The following KANK4 variants were observed in gnomAD, a reference collection of about 807,000 sequenced individuals.
The protein encoded by KANK4 is KN motif and ankyrin repeat domains 4, also known as KN motif and ankyrin repeat domain-containing protein 4.
In KANK4, 50 loss-of-function variants were observed where a neutral mutation model predicts 80.8. The observed-to-expected ratio is 0.62, with a 90% CI of 0.49 to 0.78. The LOEUF (loss-of-function observed/expected upper bound fraction) is 0.78, where lower values mean the gene tolerates loss of function less well. Ranked by LOEUF, KANK4 falls within the 30% of genes least tolerant of loss-of-function variation. KANK4 has a pLI of 0.00. For synonymous variants in KANK4, 465 were observed against 506.9 expected (o/e 0.92, Z 1.11); for missense variants, 1,196 against 1,240.1 (o/e 0.96, Z 0.53).
intron 5 of KANK4, among the ~76,000 whole-genome samples, chr1:62,267,548 T>A (rs533062828): frequency 3.3e-5 from 5 of 152,246 alleles, no homozygotes; most frequent in Non-Finnish European, 7.4e-5. Context: ...ATGCCTATAA[T>A]CCCAGCACTT....
chr1:62,306,938 A>G (rs1017884755), intron 1 of KANK4, among the ~76,000 whole-genome samples: 2 of 152,188 alleles, frequency 1.3e-5, no homozygotes, highest in Non-Finnish European at 2.9e-5. Context: ...CTTCTTTTTA[A>G]GCTTAAAAGG....
intron 1 of KANK4, among the ~76,000 whole-genome samples, chr1:62,316,119 T>C (rs1259204757): frequency 6.6e-6 from 1 of 152,258 alleles, no homozygotes; most frequent in East Asian, 1.9e-4. Context: ...GGTCAATAGC[T>C]GGGCCTCTGA....
chr1:62,303,151 G>A (rs1002289167), intron 1 of KANK4, among the ~76,000 whole-genome samples: 1 of 148,180 alleles, frequency 6.7e-6, no homozygotes, highest in African/African-American at 2.5e-5. Context: ...TAGTCAGTGA[G>A]GATACTGGGA....
chr1:62,256,038 A>G (rs1671744615), intron 7 of KANK4, among the ~76,000 whole-genome samples: 1 of 152,208 alleles, frequency 6.6e-6, no homozygotes, highest in Non-Finnish European at 1.5e-5. Flanking sequence ...ATGTGGCCCA[A>G]CACAAATTCA....
intron 1 of KANK4, among the ~76,000 whole-genome samples, chr1:62,282,304 G>A (rs1672468382): frequency 6.6e-6 from 1 of 152,148 alleles, no homozygotes; most frequent in African/African-American, 2.4e-5. Context: ...TCTCCCCAAA[G>A]TTTTAATCCA....
intron 1 of KANK4, among the ~76,000 whole-genome samples, chr1:62,294,211 C>T (rs1436908071): frequency 6.6e-6 from 1 of 152,186 alleles, no homozygotes; most frequent in African/African-American, 2.4e-5. Context: ...AAAGTAGGAG[C>T]GAGTGGACTC....
At position 62,247,448 on chromosome 1, in the gene KANK4, TTGTTAATTGCC is replaced by T. The variant is rs780654073; in HGVS notation, c.2883+13_2883+23del. The T allele has an allele frequency of 1.2e-6, 2 of 1,611,342 alleles. No homozygotes were observed. ...AGCCACCCTGCCCAGCAACAGCTAC[TTGTTAATTGCC>T]TGTAAGTCTCACCTTGTCAGTCAGG... On this transcript the variant is annotated intron_variant, in intron 9 of 9. Coordinates refer to ENST00000371153, the MANE Select transcript of KANK4 (RefSeq NM_181712.5).
At position 62,263,183 on chromosome 1, in the gene KANK4, A is replaced by AAGC; in HGVS notation, c.2445_2447dup (p.Leu816dup). 2 of 1,614,010 alleles carry AAGC rather than the reference A, an allele frequency of 1.2e-6. No individual in the cohort carries two copies. The highest frequency in any genetic ancestry group is 2.2e-5 in the South Asian group (2 of 91,060). ...TCCCGTTGTGATCGGCCAAGTTGAC[A>AAGC]AGCAGTTTCAGGAAGTGTGGGGAGT... is the stretch of plus-strand genomic sequence containing the variant. On this transcript the variant is annotated inframe_insertion, in exon 7 of 10. Coordinates refer to ENST00000371153, the MANE Select transcript of KANK4 (RefSeq NM_181712.5).
chr1:62,244,748 G>A (rs1040574613), intron 9 of KANK4, among the ~76,000 whole-genome samples: 1 of 152,110 alleles, frequency 6.6e-6, no homozygotes, highest in East Asian at 1.9e-4. Flanking sequence ...AATACAGGGG[G>A]TCTCACTTTG....
At chr1:62,276,416 G>T (rs1672315542) in intron 2 of KANK4, among the ~76,000 whole-genome samples, 1 of 152,140 alleles carries the variant, frequency 6.6e-6, no homozygotes, top group East Asian at 1.9e-4. Context: ...TGACCTTGGG[G>T]AAGTTACTTA....
chr1:62,298,887 A>G (rs916790063), intron 1 of KANK4, among the ~76,000 whole-genome samples: 1 of 152,078 alleles, frequency 6.6e-6, no homozygotes, highest in Admixed American at 6.5e-5. Flanking sequence ...CAAGTACTAC[A>G]CTATTATTAT....
At chr1:62,262,968 A>G (rs916852845) in intron 7 of KANK4, 124 bp downstream of exon 7, 2 of 726,554 alleles carry the variant, frequency 2.8e-6, no homozygotes, top group Non-Finnish European at 4.8e-6. Flanking sequence ...CCACTGTGCA[A>G]TTCATCCATG....
chr1:62,272,542 C>T (rs1307883918), intron 3 of KANK4: 1 of 152,246 alleles, frequency 6.6e-6, no homozygotes, highest in Non-Finnish European at 1.5e-5. Context: ...CAAATGAGAA[C>T]AGCCCCCTCT....
chr1:62,276,921 A>T (rs1393529738), intron 2 of KANK4, among the ~76,000 whole-genome samples: 1 of 152,160 alleles, frequency 6.6e-6, no homozygotes, highest in Non-Finnish European at 1.5e-5. Context: ...GACTTATATG[A>T]CTCACTGCTG....
intron 1 of KANK4, among the ~76,000 whole-genome samples, chr1:62,305,660 C>T (rs1644445758): frequency 6.6e-6 from 1 of 151,868 alleles, no homozygotes; most frequent in African/African-American, 2.4e-5. Flanking sequence ...ATTTTAAGCT[C>T]CACTGTGAAA....
At chr1:62,273,059 G>T in intron 3 of KANK4, 145 bp downstream of exon 3, 1 of 513,672 alleles carries the variant, frequency 1.9e-6, no homozygotes, top group Non-Finnish European at 3.3e-6. Context: ...CCAAAGTGCT[G>T]GGATTACAGG....
chr1:62,269,768 T>TA (rs1347828580), intron 4 of KANK4, among the ~76,000 whole-genome samples: 6 of 151,848 alleles, frequency 4.0e-5, no homozygotes, highest in Non-Finnish European at 8.8e-5. Context: ...TAGGTAGTGA[T>TA]AAAAACAATG....
intron 2 of KANK4, 84 bp from the exon 3 acceptor site, chr1:62,275,171 T>G: frequency 9.7e-7 from 1 of 1,029,602 alleles, no homozygotes. Context: ...ATCTCTGATT[T>G]TAACTTAACG....
intron 9 of KANK4, among the ~76,000 whole-genome samples, chr1:62,242,621 A>T (rs1324131831): frequency 2.0e-5 from 3 of 152,074 alleles, no homozygotes; most frequent in African/African-American, 7.2e-5. Flanking sequence ...GATTTCCTCA[A>T]ATTGTCTTTA....
Sources: gnomAD v4.1 joint callset for allele counts (sites outside exome capture counted in the v4.1 genomes callset) on GRCh38, gnomAD v4.1.1 for gene constraint, MANE v1.5 for transcripts, NCBI Gene and HGNC (gene_info 2026-07-23, HGNC 2026-07-21) for gene names.